Variants in BCAS3 observed in about 807,000 individuals in gnomAD.
The protein encoded by BCAS3 is BCAS4/BCAS3 fusion.
Under a neutral mutation model 116.1 loss-of-function variants are expected in BCAS3, and 53 were observed. The ratio of observed to expected loss-of-function variants is 0.46; its 90% CI spans 0.37 to 0.57. BCAS3 has a LOEUF of 0.57. BCAS3 is among the 20% of genes least tolerant of loss of function. The pLI is 0.00. For missense variants in BCAS3, 917 were observed against 1,165.4 expected, an observed-to-expected ratio of 0.79 and a Z score of 3.10; for synonymous variants, 391 against 408.2, an observed-to-expected ratio of 0.96 and a Z score of 0.51.
rs184547112 is a variant in BCAS3 at position 61,241,291 on chromosome 17, A to G, written c.2426-127036A>G. Among the ~76,000 whole-genome samples the G allele has an allele frequency of 7.9e-5, 12 of 152,112 alleles. No homozygotes were observed. Among genetic ancestry groups the G allele is most frequent in the Non-Finnish European group, 1.5e-4 (10 of 68,012 alleles). ...CTAGTGAGTGAGCCTGTTTACCACCAAGTACCCACGTCTTCCTTTGGCTCT... is the reference window on the plus strand; with the variant it reads ...CTAGTGAGTGAGCCTGTTTACCACCGAGTACCCACGTCTTCCTTTGGCTCT... On this transcript the variant is annotated intron_variant, in intron 22 of 23. Transcript: ENST00000407086. This position sits in a 1 kb window ranked among gnomAD's most constrained non-coding sequence, Gnocchi z 4.6.
chr17:61,058,189 G>A (rs1331471125), intron 19 of BCAS3, among the ~76,000 whole-genome samples: 1 of 152,134 alleles, frequency 6.6e-6, no homozygotes, highest in Non-Finnish European at 1.5e-5. Context: ...TGGTGGGTGA[G>A]TGCCACAGAT....
chr17:61,010,169 A>C (rs951754887), intron 15 of BCAS3, among the ~76,000 whole-genome samples: 4 of 149,490 alleles, frequency 2.7e-5, no homozygotes, highest in African/African-American at 9.9e-5. Context: ...CTATTCCTCC[A>C]GCGTGGCAAC....
intron 6 of BCAS3, among the ~76,000 whole-genome samples, chr17:60,798,600 T>C (rs183715984): frequency 4.5e-4 from 68 of 152,374 alleles, no homozygotes; most frequent in Non-Finnish European, 9.3e-4. Flanking sequence ...AAGAACATGT[T>C]GGTCGCATCC....
Position 61,346,954 on chromosome 17 carries a change from C to T in BCAS3, c.2426-21373C>T, listed in dbSNP as rs1414538402. On this transcript the variant is annotated intron_variant, in intron 22 of 23. Coordinates refer to ENST00000407086, the MANE Select transcript of BCAS3 (RefSeq NM_017679.5). The surrounding 1 kb of genome is among the most constrained non-coding windows in gnomAD (Gnocchi z 5.4). Reference sequence around the variant, plus strand: ...CACTTGGTCACTTGGCACCTCTTCTCATGTTGGTCTGAAATATGCCAGATC... The same window carrying T: ...CACTTGGTCACTTGGCACCTCTTCTTATGTTGGTCTGAAATATGCCAGATC... Among the ~76,000 whole-genome samples the T allele has an allele frequency of 6.6e-6, 1 of 152,232 alleles. No individual in the cohort carries two copies. The highest frequency in any genetic ancestry group is 1.5e-5 in the Non-Finnish European group (1 of 68,046).
intron 14 of BCAS3, among the ~76,000 whole-genome samples, chr17:60,957,362 T>C (rs1007368575): frequency 6.6e-6 from 1 of 152,158 alleles, no homozygotes; most frequent in Non-Finnish European, 1.5e-5. Context: ...CAAATATTTG[T>C]TTTTAGTGTG....
At position 61,356,284 on chromosome 17, in the gene BCAS3, G is replaced by A. The variant is rs548259516; in HGVS notation, c.2426-12043G>A. 6.6e-6 allele frequency among the ~76,000 whole-genome samples: 1 copy of A among 152,282 alleles called. No homozygotes were observed. The highest frequency in any genetic ancestry group is 2.4e-5 in the African/African-American group (1 of 41,562). On this transcript the variant is annotated intron_variant, in intron 22 of 23. Coordinates refer to ENST00000407086, the MANE Select transcript of BCAS3 (RefSeq NM_017679.5). This position sits in a 1 kb window ranked among gnomAD's most constrained non-coding sequence, Gnocchi z 5.4. Reference sequence around the variant, plus strand: ...GCTGGGATTACAGGCGTGAGCCACCGCACCTGGCCAGGAAACATTGTCATT... The same window carrying A: ...GCTGGGATTACAGGCGTGAGCCACCACACCTGGCCAGGAAACATTGTCATT...
In BCAS3 at chr17:61,082,195, A is replaced by T. The variant is rs2072681312; in HGVS notation, c.2328-2272A>T. On this transcript the variant is annotated intron_variant, in intron 21 of 23. Transcript: ENST00000407086. The surrounding 1 kb of genome is among the most constrained non-coding windows in gnomAD (Gnocchi z 5.1). The stretch of plus-strand genomic sequence containing the variant: ...TCTCTTTCCACTCGATTAGCTCCTC[A>T]GAAATTGGTTATCATTTATTTTATT... 6.6e-6 allele frequency among the ~76,000 whole-genome samples: 1 copy of T among 152,212 alleles called. No homozygotes were observed. Among genetic ancestry groups the T allele is most frequent in the Non-Finnish European group, 1.5e-5 (1 of 68,036 alleles).
chr17:60,727,343 T>C (rs1460799827), intron 5 of BCAS3: 5 of 1,455,388 alleles, frequency 3.4e-6, no homozygotes, highest in East Asian at 4.6e-5. Context: ...CTGCCCACCA[T>C]AGCCACTCTG....
At chr17:61,157,488 T>A (rs2077915724) in intron 22 of BCAS3, 1 of 151,954 alleles carries the variant, frequency 6.6e-6, no homozygotes, top group Admixed American at 6.6e-5. Flanking sequence ...GAGTGGACTA[T>A]GCAGAAACGC....
intron 22 of BCAS3, among the ~76,000 whole-genome samples, chr17:61,148,664 A>T (rs143548817): frequency 9.2e-5 from 14 of 152,316 alleles, no homozygotes; most frequent in African/African-American, 3.1e-4. Flanking sequence ...TTTTATCCTC[A>T]TAACATCCCT....
In BCAS3 at chr17:61,256,495, G is replaced by A. The variant is rs1031084757; in HGVS notation, c.2426-111832G>A. Among the ~76,000 whole-genome samples, 2 of 151,968 alleles carry A rather than the reference G, an allele frequency of 1.3e-5. No homozygotes were observed. Among genetic ancestry groups the A allele is most frequent in the Non-Finnish European group, 2.9e-5 (2 of 67,994 alleles). On this transcript the variant is annotated intron_variant, in intron 22 of 23. Coordinates refer to ENST00000407086, the MANE Select transcript of BCAS3 (RefSeq NM_017679.5). The surrounding 1 kb of genome is among the most constrained non-coding windows in gnomAD (Gnocchi z 5.6). Reference sequence around the variant, plus strand: ...ATTTTTGTATTTTTAGTAGAGACAGGGTTTTGCCATGTTTGCCAGGCCGGT... The same window carrying A: ...ATTTTTGTATTTTTAGTAGAGACAGAGTTTTGCCATGTTTGCCAGGCCGGT...
chr17:61,201,782 A>G (rs1352422921), intron 22 of BCAS3, among the ~76,000 whole-genome samples: 1 of 145,624 alleles, frequency 6.9e-6, no homozygotes, highest in Non-Finnish European at 1.5e-5. Flanking sequence ...TTTTTGAGAC[A>G]GGGTCTCGCT....
At chr17:61,070,190 A>G (rs1214082602) in intron 19 of BCAS3, 1 of 1,564,694 alleles carries the variant, frequency 6.4e-7, no homozygotes, top group Admixed American at 1.7e-5. Context: ...GCCAACAAGC[A>G]CCAGATTAAA....
At chr17:60,999,288 C>A (rs530479341) in intron 15 of BCAS3, among the ~76,000 whole-genome samples, 2 of 151,768 alleles carry the variant, frequency 1.3e-5, no homozygotes, top group Non-Finnish European at 2.9e-5. Flanking sequence ...GCCTGTAATC[C>A]CAGCACTTTG....
chr17:61,353,287 A>C (rs898945125), intron 22 of BCAS3, among the ~76,000 whole-genome samples: 4 of 152,028 alleles, frequency 2.6e-5, no homozygotes, highest in African/African-American at 9.7e-5. Context: ...GGCCAGGGGG[A>C]GGGGAGTAGG....
intron 22 of BCAS3, among the ~76,000 whole-genome samples, chr17:61,270,189 G>A (rs1018073652): frequency 2.1e-5 from 3 of 142,948 alleles, no homozygotes; most frequent in African/African-American, 7.8e-5. Context: ...GTGCGATCCC[G>A]GCTTACCGCA....
intron 22 of BCAS3, among the ~76,000 whole-genome samples, chr17:61,329,224 G>C (rs1329677642): frequency 6.6e-6 from 1 of 151,732 alleles, no homozygotes; most frequent in Non-Finnish European, 1.5e-5. Context: ...CCTATCATGA[G>C]TACTCCACCC....
rs1393586369 is a variant in BCAS3 at position 61,084,806 on chromosome 17, A to G, written c.2425+242A>G. 6.6e-6 allele frequency among the ~76,000 whole-genome samples: 1 copy of G among 152,240 alleles called. No individual in the cohort carries two copies. Among genetic ancestry groups the G allele is most frequent in the African/African-American group, 2.4e-5 (1 of 41,462 alleles). On this transcript the variant is annotated intron_variant, in intron 22 of 23. Coordinates refer to ENST00000407086, the MANE Select transcript of BCAS3 (RefSeq NM_017679.5). This position sits in a 1 kb window ranked among gnomAD's most constrained non-coding sequence, Gnocchi z 5.5. ...GCACTTGATTAAATGTAATGAACAT[A>G]GTATTGAAGGCTACAGGGTTGATGA...
rs1261005273 is a variant in BCAS3, at chr17:61,367,550, A to C, written c.2426-777A>C. The C allele has an allele frequency of 6.6e-6, 1 of 152,166 alleles. No homozygotes were observed. Among genetic ancestry groups the C allele is most frequent in the Non-Finnish European group, 1.5e-5 (1 of 68,038 alleles). The allele number at this position is 152,166 out of a possible 1,614,324, so 9.4% of individuals were successfully genotyped here. On this transcript the variant is annotated intron_variant, in intron 22 of 23. Coordinates refer to ENST00000407086, the MANE Select transcript of BCAS3 (RefSeq NM_017679.5). This position sits in a 1 kb window ranked among gnomAD's most constrained non-coding sequence, Gnocchi z 6.2. ...CCTCCTTGCTGGTATCCCCCAAAGT[A>C]ATTCCCTGGTTGTTCATATGCCCTT...
Sources: gnomAD v4.1 joint callset for allele counts (sites outside exome capture counted in the v4.1 genomes callset) on GRCh38, gnomAD v4.1.1 for gene constraint, Gnocchi (gnomAD v3.1) non-coding constraint, MANE v1.5 for transcripts, NCBI Gene and HGNC (gene_info 2026-07-23, HGNC 2026-07-21) for gene names.